Variants in LUZP2 observed in about 807,000 individuals in gnomAD.
LUZP2 encodes the protein leucine zipper protein 2.
A neutral mutation model predicts 51.6 loss-of-function variants in LUZP2; 52 were observed. The ratio of observed to expected loss-of-function variants is 1.01; its 90% confidence interval spans 0.81 to 1.27. LUZP2 has a LOEUF of 1.27. LUZP2 is among the 50% of genes most tolerant of loss of function. LUZP2 has a pLI of 0.00. For missense variants in LUZP2, 436 were observed against 395.4 expected (o/e 1.10, Z -0.87); for synonymous variants, 154 against 137.3 (o/e 1.12, Z -0.85).
chr11:24,884,088 T>C (rs1852585279), intron 5 of LUZP2, among the ~76,000 whole-genome samples: 1 of 151,990 alleles, frequency 6.6e-6, no homozygotes, highest in African/African-American at 2.4e-5. Context: ...ACAGGTGAAT[T>C]AACTGATCTT....
chr11:24,991,323 T>C (rs1325941624), intron 9 of LUZP2, among the ~76,000 whole-genome samples: 2 of 151,058 alleles, frequency 1.3e-5, no homozygotes, highest in Non-Finnish European at 3.0e-5. Flanking sequence ...GGCTGAGTAG[T>C]ATTCCATCAT....
chr11:24,661,705 T>G (rs1856027048), intron 1 of LUZP2, among the ~76,000 whole-genome samples: 1 of 152,210 alleles, frequency 6.6e-6, no homozygotes, highest in African/African-American at 2.4e-5. Flanking sequence ...TCCCTATGAT[T>G]TGGGATTTAG....
chr11:24,556,431 G>A (rs1342177943), intron 1 of LUZP2, among the ~76,000 whole-genome samples: 3 of 152,064 alleles, frequency 2.0e-5, no homozygotes, highest in Admixed American at 1.3e-4. Context: ...GTATGTCAAG[G>A]AAGATTCTGA....
chr11:24,499,414 G>C (rs1277074392), intron 1 of LUZP2, among the ~76,000 whole-genome samples: 8 of 152,180 alleles, frequency 5.3e-5, no homozygotes, highest in African/African-American at 1.9e-4. Flanking sequence ...ATATTTAACA[G>C]TTCTTATAGG....
At position 25,050,141 on chromosome 11, in the gene LUZP2, C is replaced by T. The variant is rs769523547; in HGVS notation, c.858+11C>T. 6 of 1,539,978 alleles carry T rather than the reference C, an allele frequency of 3.9e-6. No homozygotes were observed. The highest frequency in any genetic ancestry group is 5.3e-6 in the Non-Finnish European group (6 of 1,126,156). On this transcript the variant is annotated intron_variant, in intron 10 of 11. Coordinates refer to ENST00000336930, the MANE Select transcript of LUZP2 (RefSeq NM_001009909.4). The stretch of plus-strand genomic sequence containing the variant: ...TGTGACTCTCAAGATGTAAGAAAAA[C>T]TTAAGATGCTTTTTACAGTATTAGA...
At chr11:24,557,860 T>A (rs1406426423) in intron 1 of LUZP2, among the ~76,000 whole-genome samples, 1 of 152,144 alleles carries the variant, frequency 6.6e-6, no homozygotes, top group African/African-American at 2.4e-5. Context: ...TATGCTTGAT[T>A]CTTCAGTATG....
intron 5 of LUZP2, among the ~76,000 whole-genome samples, chr11:24,825,872 A>T (rs994471052): frequency 6.6e-6 from 1 of 151,978 alleles, no homozygotes; most frequent in Non-Finnish European, 1.5e-5. Flanking sequence ...CACTATTAGT[A>T]AAGTGAATTT....
chr11:24,993,716 A>G (rs1856417255), intron 9 of LUZP2, among the ~76,000 whole-genome samples: 1 of 152,010 alleles, frequency 6.6e-6, no homozygotes, highest in Non-Finnish European at 1.5e-5. Context: ...AAATTATTAT[A>G]TTTTATTTTT....
intron 5 of LUZP2, among the ~76,000 whole-genome samples, chr11:24,862,485 A>G (rs28803828): frequency 1.3e-5 from 2 of 152,154 alleles, no homozygotes; most frequent in Non-Finnish European, 2.9e-5. Context: ...AAGAAAGTGC[A>G]TCAACTAGTG....
intron 1 of LUZP2, among the ~76,000 whole-genome samples, chr11:24,514,280 A>C (rs897124503): frequency 6.6e-6 from 1 of 152,202 alleles, no homozygotes; most frequent in African/African-American, 2.4e-5. Flanking sequence ...AAAAGAGAGA[A>C]AGAAATAGAT....
chr11:24,511,395 TTTAA>T (rs1253510962), intron 1 of LUZP2, among the ~76,000 whole-genome samples: 1 of 151,022 alleles, frequency 6.6e-6, no homozygotes, highest in Non-Finnish European at 1.5e-5. Context: ...CTACAATTTT[TTTAA>T]TTAATTAAAA....
intron 5 of LUZP2, among the ~76,000 whole-genome samples, chr11:24,857,022 C>G (rs1486669): frequency 6.6e-6 from 1 of 151,858 alleles, no homozygotes; most frequent in Non-Finnish European, 1.5e-5. Flanking sequence ...TACACAAAAG[C>G]TAGACCTCAC....
rs79744194 is a variant in LUZP2, at chr11:24,781,549, A to G, written c.396+18241A>G. ...GATGGAGTAATTTTCTCCATCAGTC[A>G]TGAAGACCTGTGTTTCATGATTTTT... is the stretch of plus-strand genomic sequence containing the variant. On this transcript the variant is annotated intron_variant, in intron 5 of 11. Transcript: ENST00000336930. Among the ~76,000 whole-genome samples, 400 of 150,198 alleles carry G rather than the reference A, an allele frequency of 2.7e-3. 2 individuals carry two copies. The highest frequency in any genetic ancestry group is 9.1e-3 in the African/African-American group (372 of 40,888).
In LUZP2 at chr11:24,810,468, C is replaced by T. The variant is rs77417860; in HGVS notation, c.396+47160C>T. ...AGGGTATTCCACATAACCTGGTTAACAAAATTTAAAATATTAGGCCATTTA... is the reference window on the plus strand; with the variant it reads ...AGGGTATTCCACATAACCTGGTTAATAAAATTTAAAATATTAGGCCATTTA... On this transcript the variant is annotated intron_variant, in intron 5 of 11. Transcript: ENST00000336930. 5.5e-3 allele frequency among the ~76,000 whole-genome samples: 838 copies of T among 152,156 alleles called. 13 individuals carry two copies. The highest frequency in any genetic ancestry group is 0.019 in the African/African-American group (795 of 41,524).
At chr11:24,821,067 T>A (rs981450023) in intron 5 of LUZP2, among the ~76,000 whole-genome samples, 1 of 152,134 alleles carries the variant, frequency 6.6e-6, no homozygotes, top group African/African-American at 2.4e-5. Flanking sequence ...GGAAAAATGA[T>A]TTATCGAAAT....
intron 1 of LUZP2, among the ~76,000 whole-genome samples, chr11:24,710,999 G>A (rs1375247530): frequency 6.6e-6 from 1 of 150,396 alleles, no homozygotes; most frequent in Non-Finnish European, 1.5e-5. Context: ...GGGAGGTAGA[G>A]AGGGGGAAAA....
intron 10 of LUZP2, among the ~76,000 whole-genome samples, chr11:25,061,898 T>C (rs774578054): frequency 2.4e-4 from 36 of 152,084 alleles, no homozygotes; most frequent in Non-Finnish European, 3.8e-4. Context: ...TTGAAATTGA[T>C]ATGGAATGAA....
chr11:24,788,299 C>A (rs1455325808), intron 5 of LUZP2, among the ~76,000 whole-genome samples: 2 of 149,022 alleles, frequency 1.3e-5, no homozygotes, highest in Non-Finnish European at 3.0e-5. Context: ...AAGTGACTCT[C>A]CTGCCTCAGC....
At chr11:24,990,126 T>C (rs1483692307) in intron 9 of LUZP2, among the ~76,000 whole-genome samples, 1 of 152,002 alleles carries the variant, frequency 6.6e-6, no homozygotes, top group Admixed American at 6.6e-5. Flanking sequence ...GCTAGCAAAA[T>C]TACAGATTGT....
Sources: allele counts gnomAD v4.1 joint callset (sites outside exome capture counted in the v4.1 genomes callset), GRCh38; gene constraint gnomAD v4.1.1; transcripts MANE v1.5; gene names NCBI Gene and HGNC (gene_info 2026-07-23, HGNC 2026-07-21).